Variants in REV1 observed in about 807,000 individuals in gnomAD.
REV1 encodes REV1 DNA directed polymerase, also known as translesion synthesis protein REV1.
REV1 carries 42 observed loss-of-function variants against 137.4 expected under a neutral mutation model. That is an observed-to-expected ratio of 0.31 (90% CI 0.24 to 0.40). REV1 has a LOEUF of 0.40. REV1 is among the 10% of genes least tolerant of loss of function. The pLI is 1.00. For missense variants in REV1, 1,282 were observed against 1,490.1 expected, an observed-to-expected ratio of 0.86 and a Z score of 2.30; for synonymous variants, 524 against 519.2, an observed-to-expected ratio of 1.01 and a Z score of -0.12.
At chr2:99,446,863 T>TC (rs776609944) in intron 4 of REV1, among the ~76,000 whole-genome samples, 5 of 152,122 alleles carry the variant, frequency 3.3e-5, no homozygotes, top group Non-Finnish European at 7.4e-5. Flanking sequence ...TCTCCTCCTG[T>TC]CCACAGAAAT....
At chr2:99,414,141 C>CA (rs1559301954) in intron 12 of REV1, among the ~76,000 whole-genome samples, 3 of 152,140 alleles carry the variant, frequency 2.0e-5, no homozygotes, top group African/African-American at 7.2e-5. Flanking sequence ...GGTGACAGAA[C>CA]AAGACCCTGT....
rs28382906 is a variant in REV1, at chr2:99,430,188, GT to G, written c.1439-241del. Among the ~76,000 whole-genome samples, 524 of 146,920 alleles carry G rather than the reference GT, an allele frequency of 3.6e-3. 5 individuals are homozygous for G. The highest frequency in any genetic ancestry group is 0.012 in the African/African-American group (496 of 40,070). On this transcript the variant is annotated intron_variant, in intron 8 of 22. Coordinates refer to ENST00000258428, the MANE Select transcript of REV1 (RefSeq NM_016316.4). ...AAATTCAAAGTGTCCTGGGAGGTTT[GT>G]TTTTTTTTTAAATACACCAGAAGAT...
At chr2:99,458,868 G>A (rs1360932868) in intron 3 of REV1, among the ~76,000 whole-genome samples, 3 of 152,134 alleles carry the variant, frequency 2.0e-5, no homozygotes, top group African/African-American at 4.8e-5. Context: ...AAGGAAAGGC[G>A]GAGAACAGAA....
intron 5 of REV1, among the ~76,000 whole-genome samples, chr2:99,441,133 G>A (rs1318213039): frequency 1.3e-5 from 2 of 150,758 alleles, no homozygotes; most frequent in Non-Finnish European, 3.0e-5. Flanking sequence ...CGTATTCTGT[G>A]AAAAGGTTTT....
chr2:99,421,428 T>A, intron 11 of REV1, 71 bp downstream of exon 11: 1 of 1,442,032 alleles, frequency 6.9e-7, no homozygotes, highest in East Asian at 2.4e-5. Context: ...AAAGAAAAAC[T>A]CCATAAAATT....
At chr2:99,460,870 T>C (rs1429015876) in intron 3 of REV1, among the ~76,000 whole-genome samples, 2 of 152,124 alleles carry the variant, frequency 1.3e-5, no homozygotes, top group African/African-American at 4.8e-5. Context: ...TAAAAGCAGA[T>C]TTAGAATTCC....
chr2:99,445,305 T>C (rs1203810754), intron 4 of REV1, among the ~76,000 whole-genome samples: 1 of 152,208 alleles, frequency 6.6e-6, no homozygotes, highest in Non-Finnish European at 1.5e-5. Context: ...TTTGGGAGTT[T>C]AGAAAGAAAA....
chr2:99,470,580 C>T (rs1455871732), intron 1 of REV1, among the ~76,000 whole-genome samples: 2 of 152,228 alleles, frequency 1.3e-5, no homozygotes, highest in Admixed American at 1.3e-4. Context: ...TCCAAGCAAG[C>T]GTTAGGTCAT....
intron 2 of REV1, among the ~76,000 whole-genome samples, chr2:99,464,591 C>G (rs959100183): frequency 2.6e-5 from 4 of 152,188 alleles, no homozygotes; most frequent in African/African-American, 9.6e-5. Flanking sequence ...CTCCACTATA[C>G]ACAGATAACT....
Position 99,403,736 on chromosome 2 carries a change from T to C in REV1, c.3125A>G (p.Gln1042Arg). Reference protein sequence around the residue: ...LKAAYDQRQRQGENSTHQQSA... With the variant: ...LKAAYDQRQRRGENSTHQQSA... Reference sequence around the variant, plus strand: ...CTGCTGGTGAGTGCTGTTCTCGCCCTGCCTTTGTCTTTGATCATACGCTGC... The same window carrying C: ...CTGCTGGTGAGTGCTGTTCTCGCCCCGCCTTTGTCTTTGATCATACGCTGC... Residue 1042 changes from glutamine to arginine, a missense_variant, in exon 19 of 23, where the codon CAG becomes CGG. By Grantham distance (43) the Gln-to-Arg change is conservative (BLOSUM62 1). This residue lies in a region of REV1 where 23 missense variants were observed against 46.3 expected (regional missense o/e 0.50). Transcript: ENST00000258428. The C allele has an allele frequency of 3.1e-6, 5 of 1,614,210 alleles. No individual in the cohort carries two copies. Among genetic ancestry groups the C allele is most frequent in the Non-Finnish European group, 4.2e-6 (5 of 1,180,026 alleles).
At chr2:99,430,242 T>A (rs759491510) in intron 8 of REV1, among the ~76,000 whole-genome samples, 2 of 151,930 alleles carry the variant, frequency 1.3e-5, no homozygotes, top group Non-Finnish European at 2.9e-5. Flanking sequence ...TAACACACAG[T>A]CCCTGGAGGT....
intron 3 of REV1, among the ~76,000 whole-genome samples, chr2:99,452,366 T>A (rs1287749049): frequency 7.0e-6 from 1 of 142,162 alleles, no homozygotes; most frequent in Non-Finnish European, 1.5e-5. Flanking sequence ...GAGTTTGTAG[T>A]AAGCTGAGGT....
At chr2:99,447,414 C>T (rs1273319382) in intron 4 of REV1, among the ~76,000 whole-genome samples, 1 of 152,186 alleles carries the variant, frequency 6.6e-6, no homozygotes, top group African/African-American at 2.4e-5. Flanking sequence ...TCGTGATCTG[C>T]CTGCCTTGGC....
At position 99,439,092 on chromosome 2, in the gene REV1, C is replaced by A. The variant is rs1224962184; in HGVS notation, c.722G>T (p.Cys241Phe). ...SSNGALKTQD[C>F]LVPMVNSVAS... ...AACACTGTTGACCATGGGCACCAAG[C>A]AATCCTGTGTCTTTAAGGCACCATT... Residue 241 changes from cysteine (C) to phenylalanine (F), a missense_variant, in exon 6 of 23, where the codon TGC becomes TTC. Transcript: ENST00000258428. The A allele has an allele frequency of 1.2e-6, 2 of 1,613,992 alleles. No homozygotes were observed. Among genetic ancestry groups the A allele is most frequent in the Admixed American group, 3.3e-5 (2 of 60,008 alleles).
chr2:99,453,540 TTCAGTA>T (rs1683161851), intron 3 of REV1, among the ~76,000 whole-genome samples: 1 of 152,116 alleles, frequency 6.6e-6, no homozygotes. Context: ...TTGCCCACCC[TTCAGTA>T]TATACTCCTT....
intron 14 of REV1, among the ~76,000 whole-genome samples, chr2:99,410,336 T>C (rs887789183): frequency 6.6e-6 from 1 of 152,116 alleles, no homozygotes; most frequent in African/African-American, 2.4e-5. Flanking sequence ...AAGAACTACA[T>C]TGAAATTTTC....
chr2:99,412,286 A>C (rs1033021076), intron 13 of REV1, among the ~76,000 whole-genome samples: 6 of 146,922 alleles, frequency 4.1e-5, no homozygotes, highest in African/African-American at 1.5e-4. Flanking sequence ...AAAAAAACAT[A>C]TCCAAATCCA....
chr2:99,433,855 A>G (rs1680411935), intron 8 of REV1, among the ~76,000 whole-genome samples: 1 of 152,232 alleles, frequency 6.6e-6, no homozygotes, highest in Non-Finnish European at 1.5e-5. Flanking sequence ...CAAAATTAAA[A>G]AGTCAAGAGA....
chr2:99,451,449 C>T (rs781019412), intron 3 of REV1: 119 of 1,304,004 alleles, frequency 9.1e-5, no homozygotes, highest in Middle Eastern at 4.3e-4. Context: ...TTGAAGTTCA[C>T]TTCTGAAAGC....
Sources: gnomAD v4.1 joint callset for allele counts (sites outside exome capture counted in the v4.1 genomes callset) on GRCh38, gnomAD v4.1.1 for gene constraint, gnomAD v4.1.1 regional missense constraint, MANE v1.5 for transcripts, NCBI Gene and HGNC (gene_info 2026-07-23, HGNC 2026-07-21) for gene names.